Variants in CFAP53 observed in about 807,000 individuals in gnomAD.
CFAP53 encodes cilia and flagella associated protein 53, also known as cilia- and flagella-associated protein 53.
In CFAP53, 62 loss-of-function variants were observed where a neutral mutation model predicts 59.7. The observed-to-expected ratio is 1.04, with a 90% CI of 0.85 to 1.28. The LOEUF (loss-of-function observed/expected upper bound fraction) is 1.28. Among genes scored for constraint, CFAP53 ranks in the 50% most tolerant of loss-of-function variants. CFAP53 has a pLI of 0.00. For missense variants in CFAP53, 629 were observed against 615.6 expected (o/e 1.02, Z -0.23); for synonymous variants, 218 against 205.7 (o/e 1.06, Z -0.51).
chr18:50,250,652 A>G lies in CFAP53; in HGVS notation c.996+106T>C. 3.6e-6 allele frequency: 3 copies of G among 839,038 alleles called. No homozygotes were observed. The South Asian group carries it at 4.7e-5, about 13-fold the overall frequency. 52.0% of individuals were successfully genotyped at this position (839,038 alleles called of 1,614,324 possible). A position where few individuals can be genotyped will look rare whatever the true frequency, so the allele number is the denominator to read the frequency against. On this transcript the variant is annotated intron_variant, in intron 5 of 7. Coordinates refer to ENST00000398545, the MANE Select transcript of CFAP53 (RefSeq NM_145020.5). ...TGCTGATGCTGTTGGCTTGTGGACC[A>G]CACTCAGAGTAGCACTGCTATATAT...
intron 6 of CFAP53, among the ~76,000 whole-genome samples, chr18:50,240,842 A>G (rs758227375): frequency 1.1e-4 from 16 of 152,340 alleles, no homozygotes; most frequent in African/African-American, 3.8e-4. Flanking sequence ...GCGAAATCCA[A>G]TGGTACCCTA....
At chr18:50,228,239 G>C (rs543997186) in intron 7 of CFAP53, among the ~76,000 whole-genome samples, 1 of 151,708 alleles carries the variant, frequency 6.6e-6, no homozygotes, top group East Asian at 2.0e-4. Context: ...GATTACAGGC[G>C]TGAGCCACCA....
chr18:50,236,366 T>C (rs993701537), intron 7 of CFAP53, among the ~76,000 whole-genome samples: 1 of 152,204 alleles, frequency 6.6e-6, no homozygotes, highest in African/African-American at 2.4e-5. Context: ...ACCAGCCTAG[T>C]TATGCGCTTC....
Position 50,250,878 on chromosome 18 carries a change from T to A in CFAP53, c.876A>T (p.Leu292=), listed in dbSNP as rs748351880. 9.3e-6 allele frequency: 15 copies of A among 1,614,208 alleles called. No homozygotes were observed. The highest frequency in any genetic ancestry group is 2.7e-5 in the African/African-American group (2 of 75,068). ...QETRTILQKA[L]QERIEHIQQE... is the part of the protein sequence containing the mutation. Reference sequence around the variant, plus strand: ...GCTGAATATGTTCTATCCTCTCTTGTAGGGCTTTTTGCAAAATGGTCCTAG... The same window carrying A: ...GCTGAATATGTTCTATCCTCTCTTGAAGGGCTTTTTGCAAAATGGTCCTAG... The change falls in exon 5 of 8, where the codon CTA becomes CTT. Residue 292 remains leucine (L), a synonymous_variant. Coordinates refer to ENST00000398545, the MANE Select transcript of CFAP53 (RefSeq NM_145020.5).
chr18:50,231,064 A>G (rs1231099324), intron 7 of CFAP53, among the ~76,000 whole-genome samples: 4 of 152,202 alleles, frequency 2.6e-5, no homozygotes, highest in African/African-American at 4.8e-5. Context: ...CAGATAACAT[A>G]CAAAACTCAC....
At chr18:50,254,256 T>A (rs2033827301) in intron 3 of CFAP53, among the ~76,000 whole-genome samples, 1 of 144,414 alleles carries the variant, frequency 6.9e-6, no homozygotes, top group African/African-American at 2.5e-5. Flanking sequence ...AGGCAAAAAC[T>A]TAGCAGCTAA....
chr18:50,229,551 C>T (rs1157110835), intron 7 of CFAP53, among the ~76,000 whole-genome samples: 1 of 152,072 alleles, frequency 6.6e-6, no homozygotes, highest in East Asian at 1.9e-4. Context: ...TATTTCTGTG[C>T]AAATATCTCT....
chr18:50,239,695 A>G (rs1011960138), intron 6 of CFAP53, among the ~76,000 whole-genome samples: 2 of 152,216 alleles, frequency 1.3e-5, no homozygotes, highest in African/African-American at 4.8e-5. Flanking sequence ...TACAAATCTT[A>G]TAATTGACAA....
intron 3 of CFAP53, among the ~76,000 whole-genome samples, chr18:50,257,828 G>A (rs187809256): frequency 6.6e-5 from 10 of 152,238 alleles, no homozygotes; most frequent in Admixed American, 4.6e-4. Context: ...CTAGGAGTTC[G>A]ACACCAGCCT....
chr18:50,242,782 T>C, intron 6 of CFAP53, 118 bp downstream of exon 6: 2 of 830,582 alleles, frequency 2.4e-6, no homozygotes, highest in Non-Finnish European at 3.9e-6. Context: ...CCTGCCTTCA[T>C]CCTTTTTGCA....
At chr18:50,245,388 C>CAA (rs57613061) in intron 5 of CFAP53, among the ~76,000 whole-genome samples, 5 of 94,004 alleles carry the variant, frequency 5.3e-5, no homozygotes, top group African/African-American at 1.2e-4. Context: ...GACTCCGTCT[C>CAA]AAAAAAAAAA....
At chr18:50,260,183 G>A (rs2033878169) in intron 3 of CFAP53, among the ~76,000 whole-genome samples, 1 of 152,166 alleles carries the variant, frequency 6.6e-6, no homozygotes, top group South Asian at 2.1e-4. Context: ...TCCTACGATG[G>A]AAAACCACAA....
intron 1 of CFAP53, among the ~76,000 whole-genome samples, chr18:50,266,026 CGGTGTCTT>C (rs2033962277): frequency 1.3e-5 from 2 of 152,192 alleles, no homozygotes; most frequent in Non-Finnish European, 2.9e-5. Flanking sequence ...GACATCCTTC[CGGTGTCTT>C]GGAGACTGAA....
At chr18:50,242,457 G>A (rs1005772582) in intron 6 of CFAP53, among the ~76,000 whole-genome samples, 4 of 152,220 alleles carry the variant, frequency 2.6e-5, no homozygotes, top group African/African-American at 9.6e-5. Flanking sequence ...ATTTGGGGAA[G>A]TGATAAATGT....
At position 50,262,168 on chromosome 18, in the gene CFAP53, G is replaced by A. The variant is rs375801610; in HGVS notation, c.121C>T (p.Arg41Ter). Residue 41 changes from arginine (R) to a stop codon, truncating the protein, a stop_gained, in exon 2 of 8, where the codon CGA becomes TGA. Coordinates refer to ENST00000398545, the MANE Select transcript of CFAP53 (RefSeq NM_145020.5). LOFTEE classifies it high-confidence loss of function. ...GCATTATGCTTCTGATGGCTGCGTC[G>A]GATTCTTTCTAGATGGTGCTCAGCT... ...QGAEHHLERI[R>*]RSHQKHNAIL... 14 of 1,614,002 alleles carry A rather than the reference G, an allele frequency of 8.7e-6. No individual in the cohort carries two copies. Among genetic ancestry groups the A allele is most frequent in the South Asian group, 5.5e-5 (5 of 91,082 alleles).
Position 50,262,162 on chromosome 18 carries a change from T to C in CFAP53, c.127A>G (p.Ser43Gly), listed in dbSNP as rs1165200923. 1.9e-6 allele frequency: 3 copies of C among 1,614,242 alleles called. No homozygotes were observed. Among genetic ancestry groups the C allele is most frequent in the East Asian group, 2.2e-5 (1 of 44,884 alleles). Residue 43 changes from serine to glycine, a missense_variant, in exon 2 of 8, where the codon AGC becomes GGC. Physicochemically the swap from Ser to Gly is moderately conservative, Grantham distance 56. Transcript: ENST00000398545. ...AEHHLERIRR[S>G]HQKHNAILAS... ...AAAATAGCATTATGCTTCTGATGGC[T>C]GCGTCGGATTCTTTCTAGATGGTGC...
chr18:50,250,219 CAAAAAAAA>C (rs58912526), intron 5 of CFAP53, among the ~76,000 whole-genome samples: 1 of 117,630 alleles, frequency 8.5e-6, no homozygotes, highest in African/African-American at 3.2e-5. Context: ...ACCCCTGTCT[CAAAAAAAA>C]AAAAAAAAAA....
At position 50,251,575 on chromosome 18, in the gene CFAP53, T is replaced by C; in HGVS notation, c.683A>G (p.Glu228Gly). 1 of 1,614,228 alleles carries C rather than the reference T, an allele frequency of 6.2e-7. No individual in the cohort carries two copies. The highest frequency in any genetic ancestry group is 1.1e-5 in the South Asian group (1 of 91,082). The change falls in exon 4 of 8, where the codon GAG becomes GGG. Residue 228 changes from glutamate to glycine, a missense_variant. Coordinates refer to ENST00000398545, the MANE Select transcript of CFAP53 (RefSeq NM_145020.5). ...QEARRQKELMENTRLGLNAQI... is the reference protein window; with the variant it reads ...QEARRQKELMGNTRLGLNAQI... ...GGCATTCAGCCCCAGGCGTGTGTTCTCCATCAGCTCTTTCTGTCTCCTCGC... is the reference window on the plus strand; with the variant it reads ...GGCATTCAGCCCCAGGCGTGTGTTCCCCATCAGCTCTTTCTGTCTCCTCGC...
Position 50,243,046 on chromosome 18 carries a change from T to C in CFAP53, c.1067A>G (p.Gln356Arg), listed in dbSNP as rs751677042. ...TAATATTCTGTCAAATTCTTTCTCCTGAGCTTTTTCTTCCTCACGTCTCTG... is the reference window on the plus strand; with the variant it reads ...TAATATTCTGTCAAATTCTTTCTCCCGAGCTTTTTCTTCCTCACGTCTCTG... ...LAQRREEEKAQEKEFDRILEE... is the reference protein window; with the variant it reads ...LAQRREEEKAREKEFDRILEE... Residue 356 changes from glutamine (Q) to arginine (R), a missense_variant, in exon 6 of 8, where the codon CAG (glutamine) becomes CGG (arginine). By Grantham distance (43) the Gln-to-Arg change is conservative. Transcript: ENST00000398545. 2.0e-5 allele frequency: 33 copies of C among 1,613,806 alleles called. No homozygotes were observed. The East Asian group carries it at 6.5e-4, about 32-fold the overall frequency.
Sources: gnomAD v4.1 joint callset for allele counts (sites outside exome capture counted in the v4.1 genomes callset) on GRCh38, gnomAD v4.1.1 for gene constraint, MANE v1.5 for transcripts, NCBI Gene and HGNC (gene_info 2026-07-23, HGNC 2026-07-21) for gene names.